ACOX2: variants seen among roughly 807,000 people sequenced by gnomAD.
ACOX2 encodes the protein peroxisomal acyl-coenzyme A oxidase 2.
ACOX2 carries 59 observed loss-of-function variants against 77.5 expected under a neutral mutation model. The observed-to-expected ratio is 0.76, with a 90% confidence interval of 0.62 to 0.95. ACOX2 has a LOEUF of 0.95. ACOX2 is among the 40% of genes least tolerant of loss of function. The probability of loss-of-function intolerance (pLI) is 0.00; values close to 1 mark genes in which losing one functional copy is unlikely to be tolerated. For missense variants in ACOX2, 837 were observed against 880.4 expected (o/e 0.95, Z 0.62); for synonymous variants, 317 against 340.1 (o/e 0.93, Z 0.75).
Position 58,524,462 on chromosome 3 carries a change from T to TC in ACOX2, c.1489dup (p.Glu497GlyfsTer31). ...ATGTGCCCAGGCCGTGGTGTAGAGCTCCGGGCAGAGGAAGTCGGCTGCCCT... is the reference window on the plus strand; with the variant it reads ...ATGTGCCCAGGCCGTGGTGTAGAGCTCCCGGGCAGAGGAAGTCGGCTGCCCT... On this transcript the variant is annotated frameshift_variant, in exon 11 of 15. Coordinates refer to ENST00000302819, the MANE Select transcript of ACOX2 (RefSeq NM_003500.4). LOFTEE classifies it high-confidence loss of function. This position sits in a 1 kb window ranked among gnomAD's most constrained non-coding sequence, Gnocchi z 5.5. 1 of 1,614,070 alleles carries TC rather than the reference T, an allele frequency of 6.2e-7. No individual in the cohort carries two copies. Among genetic ancestry groups the TC allele is most frequent in the Non-Finnish European group, 8.5e-7 (1 of 1,179,986 alleles).
In ACOX2 at chr3:58,510,711, C is replaced by T. The variant is rs1442608085; in HGVS notation, c.1851-1686G>A. On this transcript the variant is annotated intron_variant, in intron 13 of 14. Transcript: ENST00000302819. ...ATATATATATATATATATATATATA[C>T]ACACACACACACACACACACACACA... Among the ~76,000 whole-genome samples, 23 of 3,462 alleles carry T rather than the reference C, an allele frequency of 6.6e-3. No homozygotes were observed. In the South Asian group the frequency reaches 0.068, roughly 10 times the overall value. 2.3% of individuals were successfully genotyped at this position (3,462 alleles called of 152,430 possible). A position where few individuals can be genotyped will look rare whatever the true frequency, so the allele number is the denominator to read the frequency against.
chr3:58,528,888 C>T lies in ACOX2; in HGVS notation c.1061G>A (p.Ser354Asn), dbSNP rs2063416390. Reference protein sequence around the residue: ...QQKLFPQLAISYAFHFLAVSL... With the variant: ...QQKLFPQLAINYAFHFLAVSL... ...GACTGCCAGGAAATGGAAGGCATAA[C>T]TGATGGCCAGCTGAGGAAAGAGTTT... The change falls in exon 9 of 15, where the codon AGT becomes AAT. Residue 354 changes from serine (S) to asparagine (N), a missense_variant. By Grantham distance (46) the Ser-to-Asn change is conservative (BLOSUM62 1). Coordinates refer to ENST00000302819, the MANE Select transcript of ACOX2 (RefSeq NM_003500.4). The surrounding 1 kb of genome is among the most constrained non-coding windows in gnomAD (Gnocchi z 5.6). 1.2e-6 allele frequency: 2 copies of T among 1,613,652 alleles called. No homozygotes were observed. Among genetic ancestry groups the T allele is most frequent in the Non-Finnish European group, 1.7e-6 (2 of 1,179,856 alleles).
chr3:58,531,454 A>C lies in ACOX2; in HGVS notation c.704-88T>G. 7.7e-7 allele frequency: 1 copy of C among 1,294,012 alleles called. No homozygotes were observed. Among genetic ancestry groups the C allele is most frequent in the Non-Finnish European group, 1.1e-6 (1 of 913,242 alleles). The allele number at this position is 1,294,012 out of a possible 1,614,324, so 80.2% of individuals were successfully genotyped here. A position where few individuals can be genotyped will look rare whatever the true frequency, so the allele number is the denominator to read the frequency against. On this transcript the variant is annotated intron_variant, in intron 6 of 14. Coordinates refer to ENST00000302819, the MANE Select transcript of ACOX2 (RefSeq NM_003500.4). This position sits in a 1 kb window ranked among gnomAD's most constrained non-coding sequence, Gnocchi z 5.8. The stretch of plus-strand genomic sequence containing the variant: ...TCATACACACATTCCAGGTCACAGC[A>C]GCCTGTGACACTGGGATTATTGTAC...
rs2063367700 is a variant in ACOX2 at position 58,522,751 on chromosome 3, T to C, written c.1527-150A>G. On this transcript the variant is annotated intron_variant, in intron 11 of 14. Coordinates refer to ENST00000302819, the MANE Select transcript of ACOX2 (RefSeq NM_003500.4). This position sits in a 1 kb window ranked among gnomAD's most constrained non-coding sequence, Gnocchi z 4.3. ...TAAATGATTGATATTTATTATCTTT[T>C]TAACTCTTTTAAGGGCAGGCACCCC... The C allele has an allele frequency of 4.1e-6, 3 of 737,884 alleles. No individual in the cohort carries two copies. In the East Asian group the frequency reaches 8.2e-5, roughly 20 times the overall value. 45.7% of individuals were successfully genotyped at this position (737,884 alleles called of 1,614,324 possible). A position where few individuals can be genotyped will look rare whatever the true frequency, so the allele number is the denominator to read the frequency against.
Position 58,516,898 on chromosome 3 carries a change from A to G in ACOX2, c.1850+308T>C, listed in dbSNP as rs2063325068. ...GAGACTATTATTAGCACATTAGCAC[A>G]TATCATTCATATGTAGCATGCTTCA... On this transcript the variant is annotated intron_variant, in intron 13 of 14. Coordinates refer to ENST00000302819, the MANE Select transcript of ACOX2 (RefSeq NM_003500.4). Among the ~76,000 whole-genome samples, 3 of 152,222 alleles carry G rather than the reference A, an allele frequency of 2.0e-5. No homozygotes were observed. In the South Asian group the frequency reaches 6.2e-4, roughly 32 times the overall value.
chr3:58,520,245 C>T (rs918089464), intron 12 of ACOX2, among the ~76,000 whole-genome samples: 3 of 152,242 alleles, frequency 2.0e-5, no homozygotes, highest in African/African-American at 7.2e-5. Flanking sequence ...GACTGAGGCT[C>T]TGAAAGATTA....
In ACOX2 at chr3:58,525,155, G is replaced by T. The variant is rs981772037; in HGVS notation, c.1347-550C>A. On this transcript the variant is annotated intron_variant, in intron 10 of 14. Transcript: ENST00000302819. This position sits in a 1 kb window ranked among gnomAD's most constrained non-coding sequence, Gnocchi z 5.0. ...TCTCTGTTTCTCTAGCTCTAGGTGG[G>T]GAGGACAGTTCTCATCTGATTGAGG... Among the ~76,000 whole-genome samples the T allele has an allele frequency of 3.9e-5, 6 of 152,040 alleles. No homozygotes were observed. Among genetic ancestry groups the T allele is most frequent in the Non-Finnish European group, 8.8e-5 (6 of 68,008 alleles).
rs2063313456 is a variant in ACOX2 at position 58,515,173 on chromosome 3, A to G, written c.1850+2033T>C. On this transcript the variant is annotated intron_variant, in intron 13 of 14. Coordinates refer to ENST00000302819, the MANE Select transcript of ACOX2 (RefSeq NM_003500.4). The surrounding 1 kb of genome is among the most constrained non-coding windows in gnomAD (Gnocchi z 4.0). The stretch of plus-strand genomic sequence containing the variant: ...GTAACTGGGATTACAGGCATGTGCC[A>G]TCACACCCAGCTAATTTTTGTATTT... Among the ~76,000 whole-genome samples, 1 of 152,212 alleles carries G rather than the reference A, an allele frequency of 6.6e-6. No homozygotes were observed. Among genetic ancestry groups the G allele is most frequent in the Non-Finnish European group, 1.5e-5 (1 of 68,036 alleles).
Position 58,531,636 on chromosome 3 carries a change from G to T in ACOX2, c.703+57C>A. On this transcript the variant is annotated intron_variant, in intron 6 of 14. Coordinates refer to ENST00000302819, the MANE Select transcript of ACOX2 (RefSeq NM_003500.4). This position sits in a 1 kb window ranked among gnomAD's most constrained non-coding sequence, Gnocchi z 5.8. ...TGGCCCTCTGGGGCCCCAGGTCAGG[G>T]AGGCCACCTGGGCTCTCCTCCTGGC... 6.3e-7 allele frequency: 1 copy of T among 1,590,916 alleles called. No homozygotes were observed. Among genetic ancestry groups the T allele is most frequent in the South Asian group, 1.1e-5 (1 of 87,332 alleles).
Position 58,519,890 on chromosome 3 carries a change from A to C in ACOX2, c.1633-2467T>G, listed in dbSNP as rs2063346920. On this transcript the variant is annotated intron_variant, in intron 12 of 14. Transcript: ENST00000302819. The surrounding 1 kb of genome is among the most constrained non-coding windows in gnomAD (Gnocchi z 5.0). ...CAGCTTGGCAGAACTGCGGACCCGCACTCCTTTTCCTGTCCTAATCTGAGA... is the reference window on the plus strand; with the variant it reads ...CAGCTTGGCAGAACTGCGGACCCGCCCTCCTTTTCCTGTCCTAATCTGAGA... 6.6e-6 allele frequency among the ~76,000 whole-genome samples: 1 copy of C among 152,020 alleles called. No individual in the cohort carries two copies. The highest frequency in any genetic ancestry group is 1.5e-5 in the Non-Finnish European group (1 of 68,010).
Position 58,531,170 on chromosome 3 carries a change from G to C in ACOX2, c.819+81C>G. 7.7e-7 allele frequency: 1 copy of C among 1,299,658 alleles called. No individual in the cohort carries two copies. The highest frequency in any genetic ancestry group is 1.1e-6 in the Non-Finnish European group (1 of 924,100). The allele number at this position is 1,299,658 out of a possible 1,614,324, so 80.5% of individuals were successfully genotyped here. A position where few individuals can be genotyped will look rare whatever the true frequency, so the allele number is the denominator to read the frequency against. ...TTATGTGGCCCAAACTAAGCTCTAT[G>C]GAGGACCCAGGCCCAGCCTGCACAA... On this transcript the variant is annotated intron_variant, in intron 7 of 14. Coordinates refer to ENST00000302819, the MANE Select transcript of ACOX2 (RefSeq NM_003500.4). This position sits in a 1 kb window ranked among gnomAD's most constrained non-coding sequence, Gnocchi z 5.8.
At position 58,515,658 on chromosome 3, in the gene ACOX2, T is replaced by C. The variant is rs1243429453; in HGVS notation, c.1850+1548A>G. On this transcript the variant is annotated intron_variant, in intron 13 of 14. Coordinates refer to ENST00000302819, the MANE Select transcript of ACOX2 (RefSeq NM_003500.4). This position sits in a 1 kb window ranked among gnomAD's most constrained non-coding sequence, Gnocchi z 4.0. The stretch of plus-strand genomic sequence containing the variant: ...ATTGTTGGAGATTCTAGGAGTCGCC[T>C]CTAACCCCATGCAATAGGTATCATA... Among the ~76,000 whole-genome samples the C allele has an allele frequency of 6.6e-6, 1 of 152,214 alleles. No homozygotes were observed. Among genetic ancestry groups the C allele is most frequent in the Non-Finnish European group, 1.5e-5 (1 of 68,048 alleles).
chr3:58,533,480 G>A lies in ACOX2; in HGVS notation c.548C>T (p.Pro183Leu), dbSNP rs1457822941. The change falls in exon 5 of 15, where the codon CCC becomes CTC. Residue 183 changes from proline (P) to leucine (L), a missense_variant. Transcript: ENST00000302819. The surrounding 1 kb of genome is among the most constrained non-coding windows in gnomAD (Gnocchi z 5.6). ...CCACCATTTGGTGGCAGTCAGCGTG[G>A]GGCTGTGTATCACAAACTCCTGGGT... The part of the protein sequence containing the change: ...AATQEFVIHS[P>L]TLTATKWWPG... 6.2e-7 allele frequency: 1 copy of A among 1,613,938 alleles called. No individual in the cohort carries two copies. The highest frequency in any genetic ancestry group is 1.7e-5 in the Admixed American group (1 of 59,994).
At chr3:58,507,828 A>G (rs770437375) in intron 14 of ACOX2, among the ~76,000 whole-genome samples, 1 of 152,228 alleles carries the variant, frequency 6.6e-6, no homozygotes, top group Non-Finnish European at 1.5e-5. Context: ...GTAACTTTAG[A>G]TAATCATGTT....
Position 58,505,800 on chromosome 3 carries a change from GT to G in ACOX2, c.1984-515del, listed in dbSNP as rs56029760. Among the ~76,000 whole-genome samples the G allele has an allele frequency of 1.1e-4, 16 of 150,374 alleles. No individual in the cohort carries two copies. The highest frequency in any genetic ancestry group is 4.6e-4 in the Admixed American group (7 of 15,108). The stretch of plus-strand genomic sequence containing the variant: ...CTCCTCGAACACTGGGCTTTTGACT[GT>G]TTTTTTTTGGAGACAGTATTGCTCT... On this transcript the variant is annotated intron_variant, in intron 14 of 14. Coordinates refer to ENST00000302819, the MANE Select transcript of ACOX2 (RefSeq NM_003500.4). The surrounding 1 kb of genome is among the most constrained non-coding windows in gnomAD (Gnocchi z 4.4).
intron 14 of ACOX2, 46 bp downstream of exon 14, chr3:58,508,847 G>A (rs755576932): frequency 2.5e-6 from 4 of 1,607,116 alleles, no homozygotes; most frequent in Admixed American, 3.4e-5. Flanking sequence ...TTCACTGCCT[G>A]TTCTCTGCTT....
chr3:58,524,284 G>T lies in ACOX2; in HGVS notation c.1526+142C>A. On this transcript the variant is annotated intron_variant, in intron 11 of 14. Transcript: ENST00000302819. The surrounding 1 kb of genome is among the most constrained non-coding windows in gnomAD (Gnocchi z 5.5). ...CCCCTCTCTCTGCCCATGGTGGCAGGAACTGAGAGGACCGGGGAGGCTAGG... is the reference window on the plus strand; with the variant it reads ...CCCCTCTCTCTGCCCATGGTGGCAGTAACTGAGAGGACCGGGGAGGCTAGG... The T allele has an allele frequency of 9.3e-7, 1 of 1,075,658 alleles. No homozygotes were observed. The highest frequency in any genetic ancestry group is 1.3e-6 in the Non-Finnish European group (1 of 766,396). The allele number at this position is 1,075,658 out of a possible 1,614,324, so 66.6% of individuals were successfully genotyped here.
rs2063458968 is a variant in ACOX2, at chr3:58,533,912, C to T, written c.475+82G>A. ...CATATGTCCCTCGGAGCATATGAACCTATGACTACCTAGATGTAAATGGGC... is the reference window on the plus strand; with the variant it reads ...CATATGTCCCTCGGAGCATATGAACTTATGACTACCTAGATGTAAATGGGC... On this transcript the variant is annotated intron_variant, in intron 4 of 14. Transcript: ENST00000302819. The surrounding 1 kb of genome is among the most constrained non-coding windows in gnomAD (Gnocchi z 5.6). The T allele has an allele frequency of 6.5e-7, 1 of 1,533,108 alleles. No individual in the cohort carries two copies. Among genetic ancestry groups the T allele is most frequent in the South Asian group, 1.2e-5 (1 of 84,144 alleles). 95.0% of individuals were successfully genotyped at this position (1,533,108 alleles called of 1,614,324 possible). A position where few individuals can be genotyped will look rare whatever the true frequency, so the allele number is the denominator to read the frequency against.
At position 58,528,894 on chromosome 3, in the gene ACOX2, G is replaced by GC. The variant is rs2063416487; in HGVS notation, c.1054dup (p.Ala352GlyfsTer34). 8 of 1,613,472 alleles carry GC rather than the reference G, an allele frequency of 5.0e-6. No individual in the cohort carries two copies. Among genetic ancestry groups the GC allele is most frequent in the Non-Finnish European group, 8.5e-7 (1 of 1,179,758 alleles). On this transcript the variant is annotated frameshift_variant, in exon 9 of 15. Transcript: ENST00000302819. LOFTEE classifies it high-confidence loss of function. This position sits in a 1 kb window ranked among gnomAD's most constrained non-coding sequence, Gnocchi z 5.6. The stretch of plus-strand genomic sequence containing the variant: ...CAGGAAATGGAAGGCATAACTGATG[G>GC]CCAGCTGAGGAAAGAGTTTCTGCTG...
Sources: gnomAD v4.1 joint callset for allele counts (sites outside exome capture counted in the v4.1 genomes callset) on GRCh38, gnomAD v4.1.1 for gene constraint, Gnocchi (gnomAD v3.1) non-coding constraint, MANE v1.5 for transcripts, NCBI Gene and HGNC (gene_info 2026-07-23, HGNC 2026-07-21) for gene names.